Variants in SNX7 observed in about 807,000 individuals in gnomAD.
SNX7 encodes sorting nexin-7.
Under a neutral mutation model 48.4 loss-of-function variants are expected in SNX7, and 35 were observed. The observed-to-expected ratio is 0.72, with a 90% confidence interval of 0.55 to 0.96. The LOEUF is 0.96. Among genes scored for constraint, SNX7 ranks in the 40% least tolerant of loss-of-function variants. The probability of loss-of-function intolerance (pLI) is 0.00; values close to 1 mark genes in which losing one functional copy is unlikely to be tolerated. For missense variants in SNX7, 553 were observed against 548.9 expected (o/e 1.01, Z -0.07); for synonymous variants, 190 against 190.2 (o/e 1.00, Z 0.01).
At chr1:98,757,189 A>C (rs1185870177) in intron 8 of SNX7, among the ~76,000 whole-genome samples, 3 of 152,004 alleles carry the variant, frequency 2.0e-5, no homozygotes, top group Non-Finnish European at 4.4e-5. Context: ...AGGCAATTAA[A>C]CCTCTTTTCT....
chr1:98,725,386 A>T (rs1210475782), intron 7 of SNX7, among the ~76,000 whole-genome samples: 2 of 152,138 alleles, frequency 1.3e-5, no homozygotes, highest in Non-Finnish European at 2.9e-5. Context: ...TTGTGATATT[A>T]GGCAAATATT....
chr1:98,719,462 G>A (rs550803424), intron 7 of SNX7, among the ~76,000 whole-genome samples: 2 of 152,076 alleles, frequency 1.3e-5, no homozygotes, highest in Admixed American at 6.6e-5. Context: ...CTGATGAGTG[G>A]GGTTAAGCAT....
chr1:98,722,167 G>A (rs1219656427), intron 7 of SNX7, among the ~76,000 whole-genome samples: 1 of 152,056 alleles, frequency 6.6e-6, no homozygotes, highest in African/African-American at 2.4e-5. Context: ...GACTCAATTT[G>A]TCATTTTTAG....
Position 98,760,471 on chromosome 1 carries a change from G to A in SNX7, c.*340G>A, listed in dbSNP as rs1393163683. On this transcript the variant is annotated 3_prime_UTR_variant, in exon 9 of 9. Transcript: ENST00000306121. ...ACATGCCATTTTAAATATGTTGTAA[G>A]GACTGTTTTAATAAAAAGTTTAGTA... 2.2e-5 allele frequency: 4 copies of A among 182,554 alleles called. No individual in the cohort carries two copies. The highest frequency in any genetic ancestry group is 1.7e-4 in the Admixed American group (3 of 17,498). The allele number at this position is 182,554 out of a possible 1,614,324, so 11.3% of individuals were successfully genotyped here. A position where few individuals can be genotyped will look rare whatever the true frequency, so the allele number is the denominator to read the frequency against.
intron 1 of SNX7, among the ~76,000 whole-genome samples, chr1:98,673,406 C>T (rs951836521): frequency 1.3e-5 from 2 of 152,210 alleles, no homozygotes. Flanking sequence ...AAGCATTCTT[C>T]CTGCTCCCTG....
At chr1:98,669,990 C>T (rs1422244421) in intron 1 of SNX7, among the ~76,000 whole-genome samples, 3 of 152,146 alleles carry the variant, frequency 2.0e-5, no homozygotes, top group East Asian at 1.9e-4. Context: ...AAATGAATGA[C>T]GTAGCCTCTG....
At chr1:98,662,006 C>A in intron 1 of SNX7, 95 bp downstream of exon 1, 1 of 1,195,756 alleles carries the variant, frequency 8.4e-7, no homozygotes, top group African/African-American at 1.6e-5. Flanking sequence ...CGCTTGCCCT[C>A]CCGGGGCGGT....
rs574369475 is a variant in SNX7, at chr1:98,679,354, T to TA, written c.181-5530dup. 1.8e-3 allele frequency among the ~76,000 whole-genome samples: 269 copies of TA among 152,238 alleles called. 1 individual carries two copies. Among genetic ancestry groups the TA allele is most frequent in the Admixed American group, 4.1e-3 (62 of 15,294 alleles). On this transcript the variant is annotated intron_variant, in intron 1 of 8. Coordinates refer to ENST00000306121, the MANE Select transcript of SNX7 (RefSeq NM_015976.5). ...CACAACACATGAGAATTGTGGGAGT[T>TA]ACAATTCAAGATGAGATTTGAGTGG...
chr1:98,738,137 A>G, intron 7 of SNX7, 100 bp from the exon 8 acceptor site: 1 of 1,242,280 alleles, frequency 8.0e-7, no homozygotes, highest in Non-Finnish European at 1.1e-6. Flanking sequence ...AAAGAGTTAT[A>G]TTTAGGCTGT....
At chr1:98,691,748 A>G (rs1474111655) in intron 4 of SNX7, 49 bp downstream of exon 4, 16 of 1,401,444 alleles carry the variant, frequency 1.1e-5, no homozygotes, top group African/African-American at 4.4e-5. Flanking sequence ...GTCTGTATCT[A>G]TAGTAGATTG....
At chr1:98,697,756 A>G (rs549435789) in intron 5 of SNX7, among the ~76,000 whole-genome samples, 15 of 152,162 alleles carry the variant, frequency 9.9e-5, no homozygotes, top group Non-Finnish European at 2.1e-4. Context: ...CAGTGGGATA[A>G]TGCTTTAATA....
intron 7 of SNX7, among the ~76,000 whole-genome samples, chr1:98,722,086 G>A (rs1465300602): frequency 6.6e-6 from 1 of 152,024 alleles, no homozygotes; most frequent in Non-Finnish European, 1.5e-5. Context: ...ATCATGATTT[G>A]AGGGATGTTA....
chr1:98,727,607 T>C (rs1653255441), intron 7 of SNX7, among the ~76,000 whole-genome samples: 1 of 151,898 alleles, frequency 6.6e-6, no homozygotes, highest in African/African-American at 2.4e-5. Flanking sequence ...TTCTAACTCA[T>C]TACAAAGAAG....
rs777051040 is a variant in SNX7 at position 98,738,389 on chromosome 1, G to A, written c.1278G>A (p.Gln426=). 1 of 1,611,830 alleles carries A rather than the reference G, an allele frequency of 6.2e-7. No homozygotes were observed. Among genetic ancestry groups the A allele is most frequent in the African/African-American group, 1.3e-5 (1 of 74,974 alleles). ...AGGAGAATATCCATTATTATGAACA[G>A]GTAATTAGTGTTGTTTGATATTGCT... The part of the protein sequence containing the change: ...MAEENIHYYE[Q]CLATWESFLT... Residue 426 remains glutamine, a splice_region_variant and synonymous_variant, in exon 8 of 9, where the codon CAG becomes CAA. Coordinates refer to ENST00000306121, the MANE Select transcript of SNX7 (RefSeq NM_015976.5).
At chr1:98,699,867 T>C (rs900431047) in intron 6 of SNX7, among the ~76,000 whole-genome samples, 4 of 152,204 alleles carry the variant, frequency 2.6e-5, no homozygotes, top group African/African-American at 9.6e-5. Context: ...GGAGTCCTCC[T>C]GTAAACAAAG....
At chr1:98,726,180 C>T (rs543157016) in intron 7 of SNX7, among the ~76,000 whole-genome samples, 95 of 152,122 alleles carry the variant, frequency 6.2e-4, no homozygotes, top group Non-Finnish European at 1.1e-3. Flanking sequence ...AGTTAGGACT[C>T]GAACCCACAG....
chr1:98,691,656 C>A lies in SNX7; in HGVS notation c.596C>A (p.Thr199Lys). The change falls in exon 4 of 9, where the codon ACA (threonine) becomes AAA (lysine). Residue 199 changes from threonine (T) to lysine (K), a missense_variant. Transcript: ENST00000306121. The part of the protein sequence containing the change: ...LNRIADHPTL[T>K]FNEDFKIFLT... ...CGAATTGCTGATCATCCAACTTTAA[C>A]ATTTAATGAAGACTTCAAAATTTTT... 6.2e-7 allele frequency: 1 copy of A among 1,609,438 alleles called. No homozygotes were observed. The highest frequency in any genetic ancestry group is 1.3e-5 in the African/African-American group (1 of 74,736).
chr1:98,751,396 G>A (rs1167612743), intron 8 of SNX7, among the ~76,000 whole-genome samples: 1 of 151,996 alleles, frequency 6.6e-6, no homozygotes, highest in East Asian at 1.9e-4. Context: ...TTCCATCTGT[G>A]TGTACTGCAT....
intron 5 of SNX7, 31 bp from the exon 6 acceptor site, chr1:98,698,675 A>G (rs758981813): frequency 3.2e-6 from 5 of 1,575,778 alleles, no homozygotes; most frequent in Non-Finnish European, 4.3e-6. Flanking sequence ...TTGTTTATTG[A>G]AGAGCTTATT....
Sources: allele counts gnomAD v4.1 joint callset (sites outside exome capture counted in the v4.1 genomes callset), GRCh38; gene constraint gnomAD v4.1.1; transcripts MANE v1.5; gene names NCBI Gene and HGNC (gene_info 2026-07-23, HGNC 2026-07-21).